The following DMD variants were observed in gnomAD, a reference collection of about 807,000 sequenced individuals.
The protein encoded by DMD is dystrophin, also known as mutant dystrophin.
A neutral mutation model predicts 330.1 loss-of-function variants in DMD; 63 were observed. The observed-to-expected ratio is 0.19, with a 90% CI of 0.16 to 0.24. DMD has a LOEUF of 0.24. Ranked by LOEUF, DMD falls within the 10% of genes least tolerant of loss-of-function variation. The pLI is 1.00. For missense variants in DMD, 3,344 were observed against 2,684.1 expected (o/e 1.25, Z -5.43); for synonymous variants, 1,223 against 959.8 (o/e 1.27, Z -5.07).
intron 18 of DMD, among the ~76,000 whole-genome samples, chrX:32,502,650 C>T (rs746836775): frequency 8.9e-6 from 1 of 111,902 alleles, no homozygotes; most frequent in African/African-American, 3.2e-5. Flanking sequence ...ATAACTATAA[C>T]GCAATTAAAA....
At chrX:31,165,873 T>G in intron 74 of DMD, among the ~76,000 whole-genome samples, 1 of 111,899 alleles carries the variant, frequency 8.9e-6, no homozygotes, top group Non-Finnish European at 1.9e-5. Context: ...TAGCTTTTAC[T>G]CAGAGCTTTA....
At chrX:32,884,847 G>A (rs928377383) in intron 2 of DMD, among the ~76,000 whole-genome samples, 5 of 111,996 alleles carry the variant, frequency 4.5e-5, no homozygotes, top group African/African-American at 9.7e-5. Context: ...TATCACTGTC[G>A]CCTTTACATC....
intron 48 of DMD, among the ~76,000 whole-genome samples, chrX:31,847,497 G>A (rs1804587070): frequency 9.0e-6 from 1 of 111,602 alleles, no homozygotes; most frequent in African/African-American, 3.2e-5. Flanking sequence ...TGCTTGAAGG[G>A]TCAACTGTAG....
At chrX:32,504,381 T>G (rs988975551) in intron 18 of DMD, among the ~76,000 whole-genome samples, 4 of 111,243 alleles carry the variant, frequency 3.6e-5, no homozygotes, top group Admixed American at 1.9e-4. Flanking sequence ...CCCAGCACTT[T>G]GGGGGGCCAA....
At chrX:31,900,460 G>A (rs943622719) in intron 47 of DMD, among the ~76,000 whole-genome samples, 2 of 111,292 alleles carry the variant, frequency 1.8e-5, no homozygotes, top group Admixed American at 9.6e-5. Context: ...GATGTGACTC[G>A]TTCCTCCTTG....
intron 1 of DMD, among the ~76,000 whole-genome samples, chrX:33,208,446 T>G (rs1359089402): frequency 9.0e-6 from 1 of 111,013 alleles, no homozygotes; most frequent in Non-Finnish European, 1.9e-5. Context: ...TTTCTATTAT[T>G]TTTCTTAAAA....
chrX:32,692,161 A>C (rs1408340083), intron 9 of DMD, among the ~76,000 whole-genome samples: 1 of 112,410 alleles, frequency 8.9e-6, no homozygotes, highest in Non-Finnish European at 1.9e-5. Context: ...AAGTGTTCTT[A>C]CACACAATAA....
rs1396264649 is a variant in DMD at position 31,262,319 on chromosome X, G to A, written c.9225-1303C>T. Among the ~76,000 whole-genome samples, 3 of 112,015 alleles carry A rather than the reference G, an allele frequency of 2.7e-5. 1 individual carries two copies. Among genetic ancestry groups the A allele is most frequent in the Admixed American group, 9.4e-5 (1 of 10,607 alleles). ...CAACTGTAATTAAGTCAATCAAGGC[G>A]AAGAAAGACCCTTCCTAGAGAGCAA... is the stretch of plus-strand genomic sequence containing the variant. On this transcript the variant is annotated intron_variant, in intron 62 of 78. Transcript: ENST00000357033.
At chrX:32,595,942 C>A in intron 12 of DMD, 66 bp from the exon 13 acceptor site, 1 of 986,458 alleles carries the variant, frequency 1.0e-6, no homozygotes, top group East Asian at 3.1e-5. Flanking sequence ...AAATGATTTG[C>A]TCTCAAATGG....
chrX:32,327,810 C>A (rs1239884454), intron 41 of DMD, among the ~76,000 whole-genome samples: 1 of 111,668 alleles, frequency 9.0e-6, no homozygotes, highest in Non-Finnish European at 1.9e-5. Context: ...ATTTTCACTC[C>A]ATTTTAGATC....
intron 41 of DMD, among the ~76,000 whole-genome samples, chrX:32,311,395 G>C (rs2148604273): frequency 9.0e-6 from 1 of 111,186 alleles, no homozygotes; most frequent in African/African-American, 3.3e-5. Flanking sequence ...ACAAAGAGGA[G>C]TAAAATTTAC....
chrX:32,496,842 A>T (rs952352720), intron 19 of DMD, among the ~76,000 whole-genome samples: 15 of 112,597 alleles, frequency 1.3e-4, no homozygotes, highest in African/African-American at 4.5e-4. Context: ...GAAAGAAGAA[A>T]TATAAATCAA....
chrX:32,983,430 G>T (rs1181633308), intron 2 of DMD, among the ~76,000 whole-genome samples: 17 of 108,054 alleles, frequency 1.6e-4, no homozygotes, highest in Non-Finnish European at 7.7e-5. Flanking sequence ...TTGGTTTCTA[G>T]ATCCAACTGA....
chrX:32,885,868 A>G (rs2084508367), intron 2 of DMD, among the ~76,000 whole-genome samples: 1 of 103,407 alleles, frequency 9.7e-6, no homozygotes, highest in African/African-American at 3.5e-5. Context: ...TTCAGGTAGT[A>G]GGCACACAGT....
intron 61 of DMD, among the ~76,000 whole-genome samples, chrX:31,333,934 CT>C (rs374127684): frequency 0.034 from 3,480 of 102,647 alleles, 139 homozygotes; most frequent in African/African-American, 0.11. Flanking sequence ...AGATATTCAT[CT>C]TTTTTTTTTT....
intron 42 of DMD, among the ~76,000 whole-genome samples, chrX:32,290,095 T>C (rs751483229): frequency 8.9e-6 from 1 of 112,112 alleles, no homozygotes; most frequent in East Asian, 2.8e-4. Flanking sequence ...ATTAGGTTTA[T>C]TGCATTACTT....
At chrX:33,079,308 G>A (rs957577644) in intron 1 of DMD, among the ~76,000 whole-genome samples, 3 of 111,429 alleles carry the variant, frequency 2.7e-5, no homozygotes, top group East Asian at 2.8e-4. Context: ...CACCATGCCC[G>A]GCCTATAAAA....
chrX:32,694,749 C>T (rs750349653), intron 9 of DMD, among the ~76,000 whole-genome samples: 4 of 111,692 alleles, frequency 3.6e-5, no homozygotes, highest in South Asian at 3.8e-4. Flanking sequence ...CTCCACCTCC[C>T]GGGTTCAAGT....
At chrX:32,400,426 G>C (rs2098078254) in intron 30 of DMD, among the ~76,000 whole-genome samples, 1 of 110,617 alleles carries the variant, frequency 9.0e-6, no homozygotes, top group African/African-American at 3.3e-5. Flanking sequence ...TCTCTTTTTT[G>C]GTTGTGTCTC....
Sources: allele counts gnomAD v4.1 joint callset (sites outside exome capture counted in the v4.1 genomes callset), GRCh38; gene constraint gnomAD v4.1.1; transcripts MANE v1.5; gene names NCBI Gene and HGNC (gene_info 2026-07-23, HGNC 2026-07-21).